DHRSX: variants seen among roughly 807,000 people sequenced by gnomAD.
DHRSX encodes the protein polyprenol dehydrogenase.
Under a neutral mutation model 34.0 loss-of-function variants are expected in DHRSX, and 31 were observed. That is an observed-to-expected ratio of 0.91 (90% CI 0.69 to 1.23). The LOEUF (loss-of-function observed/expected upper bound fraction) is 1.23, where lower values mean the gene tolerates loss of function less well. DHRSX is among the 50% of genes most tolerant of loss of function. The pLI, the probability that DHRSX is intolerant of heterozygous loss-of-function variation, is 0.00. For missense variants in DHRSX, 414 were observed against 428.1 expected, an observed-to-expected ratio of 0.97 and a Z score of 0.29; for synonymous variants, 201 against 183.8, an observed-to-expected ratio of 1.09 and a Z score of -0.76.
chrX:2,481,600 AG>A (rs998506301), intron 1 of DHRSX, among the ~76,000 whole-genome samples: 14 of 150,518 alleles, frequency 9.3e-5, no homozygotes, highest in Non-Finnish European at 2.1e-4. Flanking sequence ...CAGGAGGCGG[AG>A]GTTTCTGTGA....
intron 1 of DHRSX, among the ~76,000 whole-genome samples, chrX:2,433,441 G>C (rs186682459): frequency 6.6e-6 from 1 of 151,824 alleles, no homozygotes; most frequent in African/African-American, 2.4e-5. Context: ...GAACGCGCAG[G>C]TTTGTTACAT....
chrX:2,322,833 A>G (rs2042329114), intron 3 of DHRSX, among the ~76,000 whole-genome samples: 2 of 152,138 alleles, frequency 1.3e-5, no homozygotes, highest in South Asian at 4.1e-4. Context: ...TGGGTGAGTC[A>G]AAAGTTATCT....
Position 2,437,694 on chromosome X carries a change from A to AGTGT in DHRSX, c.110-12391_110-12390insACAC, listed in dbSNP as rs1167470793. ...GACAGAGAGAGAGAGAGAGAGAGAGAGAGAGTGTGTGTGTGTGTGTGTGTG... is the reference window on the plus strand; with the variant it reads ...GACAGAGAGAGAGAGAGAGAGAGAGAGTGTGAGAGTGTGTGTGTGTGTGTGTGTG... On this transcript the variant is annotated intron_variant, in intron 1 of 6. Coordinates refer to ENST00000334651, the MANE Select transcript of DHRSX (RefSeq NM_145177.3). Among the ~76,000 whole-genome samples, 577 of 69,324 alleles carry AGTGT rather than the reference A, an allele frequency of 8.3e-3. 1 individual carries two copies. The highest frequency in any genetic ancestry group is 0.046 in the African/African-American group (546 of 11,962). The allele number at this position is 69,324 out of a possible 152,430, so 45.5% of individuals were successfully genotyped here. A position where few individuals can be genotyped will look rare whatever the true frequency, so the allele number is the denominator to read the frequency against.
At chrX:2,248,628 A>AAAAAAAAAAAAG (rs1556433590) in intron 5 of DHRSX, among the ~76,000 whole-genome samples, 25 of 104,278 alleles carry the variant, frequency 2.4e-4, no homozygotes, top group African/African-American at 8.1e-4. Flanking sequence ...AAAAAAAAAG[A>AAAAAAAAAAAAG]AAAAGAAAAG....
chrX:2,245,830 CAT>C, intron 5 of DHRSX, among the ~76,000 whole-genome samples: 1 of 151,014 alleles, frequency 6.6e-6, no homozygotes, highest in East Asian at 2.0e-4. Flanking sequence ...GGCATGGTGG[CAT>C]GTGCCTGTAG....
At chrX:2,488,950 C>A (rs1157316099) in intron 1 of DHRSX, 1 of 1,597,402 alleles carries the variant, frequency 6.3e-7, no homozygotes. Flanking sequence ...GGTCTGACCA[C>A]CACTTGAGGG....
intron 5 of DHRSX, among the ~76,000 whole-genome samples, chrX:2,246,704 AAGAGAAAG>A (rs901009589): frequency 2.7e-4 from 21 of 76,656 alleles, no homozygotes; most frequent in African/African-American, 1.2e-3. Context: ...AAAAGAAAGA[AAGAGAAAG>A]AAAGAAAGAA....
intron 1 of DHRSX, among the ~76,000 whole-genome samples, chrX:2,498,722 G>A (rs1469144236): frequency 1.1e-4 from 16 of 151,806 alleles, no homozygotes; most frequent in Non-Finnish European, 1.5e-4. Flanking sequence ...CAGGAACCCC[G>A]GCCTCTTCTG....
chrX:2,331,586 T>G (rs1351337701), intron 3 of DHRSX, among the ~76,000 whole-genome samples: 4 of 151,840 alleles, frequency 2.6e-5, no homozygotes, highest in Non-Finnish European at 5.9e-5. Flanking sequence ...TAGCTGGGAT[T>G]ACAGGTGCCC....
chrX:2,328,362 A>G (rs1602952382), intron 3 of DHRSX, among the ~76,000 whole-genome samples: 1 of 151,564 alleles, frequency 6.6e-6, no homozygotes, highest in African/African-American at 2.4e-5. Context: ...CATTGGGACA[A>G]CCCTGTGAGG....
chrX:2,437,716 T>A lies in DHRSX; in HGVS notation c.110-12412A>T, dbSNP rs1222869346. 1.9e-3 allele frequency among the ~76,000 whole-genome samples: 275 copies of A among 148,172 alleles called. 3 individuals carry two copies. The highest frequency in any genetic ancestry group is 0.013 in the Admixed American group (184 of 14,534). ...GAGAGAGAGTGTGTGTGTGTGTGTGTGTGTGTGTGTGTGTGTGTCACAGTC... is the reference window on the plus strand; with the variant it reads ...GAGAGAGAGTGTGTGTGTGTGTGTGAGTGTGTGTGTGTGTGTGTCACAGTC... On this transcript the variant is annotated intron_variant, in intron 1 of 6. Transcript: ENST00000334651.
intron 3 of DHRSX, among the ~76,000 whole-genome samples, chrX:2,307,892 G>A (rs899150259): frequency 3.4e-4 from 52 of 151,926 alleles, no homozygotes; most frequent in Non-Finnish European, 5.7e-4. Context: ...ACAGGAAATC[G>A]TACTTGCTAG....
intron 3 of DHRSX, among the ~76,000 whole-genome samples, chrX:2,319,350 C>A (rs1172517085): frequency 6.6e-6 from 1 of 151,698 alleles, no homozygotes; most frequent in African/African-American, 2.4e-5. Context: ...GAAGACCAGC[C>A]TGGCCAATAT....
chrX:2,490,475 T>C, intron 1 of DHRSX: 1 of 1,614,000 alleles, frequency 6.2e-7, no homozygotes, highest in Non-Finnish European at 8.5e-7. Flanking sequence ...CTGCTCCGTG[T>C]TGCTCTTGAC....
chrX:2,471,008 A>G (rs1457311786), intron 1 of DHRSX, among the ~76,000 whole-genome samples: 7 of 152,204 alleles, frequency 4.6e-5, no homozygotes, highest in Non-Finnish European at 1.0e-4. Context: ...TATGGTAACT[A>G]GCTTGATTTA....
At chrX:2,347,428 T>A (rs36070679) in intron 3 of DHRSX, among the ~76,000 whole-genome samples, 2 of 152,162 alleles carry the variant, frequency 1.3e-5, no homozygotes, top group African/African-American at 2.4e-5. Context: ...GCGCGGTGGC[T>A]CACGCCTGTA....
intron 3 of DHRSX, among the ~76,000 whole-genome samples, chrX:2,311,257 A>G (rs991921410): frequency 2.0e-5 from 3 of 151,936 alleles, no homozygotes; most frequent in Admixed American, 2.0e-4. Flanking sequence ...ACAGAGAGAG[A>G]AAGAGAGAGA....
chrX:2,425,056 C>G (rs545115838), intron 2 of DHRSX, 141 bp downstream of exon 2: 52 of 658,508 alleles, frequency 7.9e-5, no homozygotes, highest in East Asian at 7.6e-4. Flanking sequence ...AGGAGAATCA[C>G]TTTAACCCAG....
intron 5 of DHRSX, among the ~76,000 whole-genome samples, chrX:2,253,096 G>A (rs982507256): frequency 1.8e-4 from 27 of 152,386 alleles, no homozygotes; most frequent in African/African-American, 6.0e-4. Context: ...TGAGGTGGGA[G>A]CAGATCATTT....
Sources: gnomAD v4.1 joint callset for allele counts (sites outside exome capture counted in the v4.1 genomes callset) on GRCh38, gnomAD v4.1.1 for gene constraint, MANE v1.5 for transcripts, NCBI Gene and HGNC (gene_info 2026-07-23, HGNC 2026-07-21) for gene names.